The following TOMM20 variants were observed in gnomAD, a reference collection of about 807,000 sequenced individuals.
The protein encoded by TOMM20 is translocase of outer mitochondrial membrane 20, also known as mitochondrial import receptor subunit TOM20 homolog.
In TOMM20, 10 loss-of-function variants were observed where a neutral mutation model predicts 22.1. The observed-to-expected ratio is 0.45, with a 90% CI of 0.28 to 0.77. The LOEUF is 0.77. Ranked by LOEUF, TOMM20 falls within the 30% of genes least tolerant of loss-of-function variation. The pLI is 0.13. For missense variants in TOMM20, 121 were observed against 172.2 expected, an observed-to-expected ratio of 0.70 and a Z score of 1.66; for synonymous variants, 55 against 61.4, an observed-to-expected ratio of 0.90 and a Z score of 0.49.
intron 3 of TOMM20, among the ~76,000 whole-genome samples, chr1:235,118,876 G>C (rs1660879340): frequency 6.6e-6 from 1 of 152,130 alleles, no homozygotes; most frequent in Non-Finnish European, 1.5e-5. Context: ...TGAGTACTGT[G>C]ACTCTTTAGG....
Position 235,111,978 on chromosome 1 carries a change from T to C in TOMM20, c.*86A>G, listed in dbSNP as rs1660745316. ...TCAGTGTAGTTCATAACAAGCATAT[T>C]TGCCCTTATTCCCCCAGAGCTGCTC... On this transcript the variant is annotated 3_prime_UTR_variant, in exon 5 of 5. Coordinates refer to ENST00000366607, the MANE Select transcript of TOMM20 (RefSeq NM_014765.3). 7.7e-6 allele frequency: 8 copies of C among 1,039,502 alleles called. No individual in the cohort carries two copies. In the Admixed American group the frequency reaches 1.2e-4, roughly 16 times the overall value. The allele number at this position is 1,039,502 out of a possible 1,614,324, so 64.4% of individuals were successfully genotyped here. A position where few individuals can be genotyped will look rare whatever the true frequency, so the allele number is the denominator to read the frequency against.
intron 1 of TOMM20, chr1:235,127,979 T>G (rs753083679): frequency 2.0e-6 from 1 of 490,168 alleles, no homozygotes; most frequent in Non-Finnish European, 4.0e-6. Context: ...AGTTCGAGAC[T>G]AGCCTGACCA....
intron 3 of TOMM20, among the ~76,000 whole-genome samples, chr1:235,116,178 G>A: frequency 6.6e-6 from 1 of 152,056 alleles, no homozygotes; most frequent in East Asian, 1.9e-4. Flanking sequence ...AGGCCGAGGT[G>A]GGTGGATCAC....
At chr1:235,128,557 G>T (rs1661076303) in intron 1 of TOMM20, 38 bp downstream of exon 1, 3 of 1,611,320 alleles carry the variant, frequency 1.9e-6, no homozygotes, top group Non-Finnish European at 2.5e-6. Context: ...GGCGGCCGAA[G>T]GCAGCAAGCC....
At chr1:235,113,244 ATTT>A (rs2102807238) in intron 4 of TOMM20, among the ~76,000 whole-genome samples, 1 of 152,320 alleles carries the variant, frequency 6.6e-6, no homozygotes, top group South Asian at 2.1e-4. Context: ...GCTATTTTGC[ATTT>A]TTGAGTAGGG....
chr1:235,112,394 C>T (rs1660753592), intron 4 of TOMM20, among the ~76,000 whole-genome samples: 1 of 152,284 alleles, frequency 6.6e-6, no homozygotes, highest in East Asian at 1.9e-4. Context: ...GGCTGGAGTG[C>T]AGTAGCACAA....
intron 4 of TOMM20, 103 bp from the exon 5 acceptor site, chr1:235,112,211 T>A: frequency 1.1e-6 from 1 of 925,610 alleles, no homozygotes; most frequent in Non-Finnish European, 1.6e-6. Flanking sequence ...TGAATCTTAG[T>A]AAAGTTCACC....
At chr1:235,122,801 G>GA (rs758184841) in intron 1 of TOMM20, among the ~76,000 whole-genome samples, 1 of 152,082 alleles carries the variant, frequency 6.6e-6, no homozygotes, top group East Asian at 1.9e-4. Flanking sequence ...TTAAATGAAA[G>GA]AAAAAATCTA....
At chr1:235,117,751 T>C (rs540774419) in intron 3 of TOMM20, among the ~76,000 whole-genome samples, 4 of 152,220 alleles carry the variant, frequency 2.6e-5, no homozygotes, top group African/African-American at 9.6e-5. Flanking sequence ...GGGTATCTGA[T>C]GGCACCTGAG....
intron 3 of TOMM20, among the ~76,000 whole-genome samples, chr1:235,116,168 A>T (rs1384122444): frequency 6.6e-6 from 1 of 152,186 alleles, no homozygotes; most frequent in African/African-American, 2.4e-5. Context: ...GCACTTAGGG[A>T]GGCCGAGGTG....
rs565162195 is a variant in TOMM20, at chr1:235,114,638, C to T, written c.251-728G>A. Among the ~76,000 whole-genome samples, 7 of 151,902 alleles carry T rather than the reference C, an allele frequency of 4.6e-5. No individual in the cohort carries two copies. The South Asian group carries it at 8.3e-4, about 18-fold the overall frequency. On this transcript the variant is annotated intron_variant, in intron 3 of 4. Transcript: ENST00000366607. ...ATTTTTAGTAGAGACGAGGTTTCAC[C>T]GTGTTAGCCAAGATGGTCTCCATCT...
At chr1:235,119,740 A>G in intron 3 of TOMM20, 78 bp downstream of exon 3, 1 of 965,462 alleles carries the variant, frequency 1.0e-6, no homozygotes, top group Non-Finnish European at 1.5e-6. Context: ...AATTACACAA[A>G]CAAAGCCCCT....
chr1:235,116,432 A>G (rs1660829264), intron 3 of TOMM20, among the ~76,000 whole-genome samples: 1 of 151,968 alleles, frequency 6.6e-6, no homozygotes, highest in Non-Finnish European at 1.5e-5. Flanking sequence ...CCAGCTACTC[A>G]GGAGGCTGAG....
intron 1 of TOMM20, among the ~76,000 whole-genome samples, chr1:235,123,469 A>G (rs1660962677): frequency 6.6e-6 from 1 of 152,172 alleles, no homozygotes; most frequent in African/African-American, 2.4e-5. Flanking sequence ...TGGGCAACAG[A>G]GCGACACTCT....
At position 235,126,749 on chromosome 1, in the gene TOMM20, G is replaced by A. The variant is rs190203201; in HGVS notation, c.121+1846C>T. Reference sequence around the variant, plus strand: ...CGGGAGGCGGAGGTTGCAATGATCCGAGATCACCCCACTGCACTCGAGCCT... The same window carrying A: ...CGGGAGGCGGAGGTTGCAATGATCCAAGATCACCCCACTGCACTCGAGCCT... On this transcript the variant is annotated intron_variant, in intron 1 of 4. Coordinates refer to ENST00000366607, the MANE Select transcript of TOMM20 (RefSeq NM_014765.3). Among the ~76,000 whole-genome samples the A allele has an allele frequency of 1.0e-3, 157 of 152,218 alleles. 1 individual carries two copies. The highest frequency in any genetic ancestry group is 3.8e-3 in the African/African-American group (156 of 41,546).
In TOMM20 at chr1:235,117,362, G is replaced by A. The variant is rs979251901; in HGVS notation, c.250+2456C>T. 2.0e-5 allele frequency among the ~76,000 whole-genome samples: 3 copies of A among 151,140 alleles called. No individual in the cohort carries two copies. In the South Asian group the frequency reaches 6.3e-4, roughly 32 times the overall value. The stretch of plus-strand genomic sequence containing the variant: ...AATCCCAGCTACTCATGAGGCTGAG[G>A]CAGGAGAATCGCTTGAACCCGGGAG... On this transcript the variant is annotated intron_variant, in intron 3 of 4. Coordinates refer to ENST00000366607, the MANE Select transcript of TOMM20 (RefSeq NM_014765.3).
chr1:235,118,384 C>A (rs1201419287), intron 3 of TOMM20, among the ~76,000 whole-genome samples: 2 of 152,224 alleles, frequency 1.3e-5, no homozygotes, highest in Non-Finnish European at 2.9e-5. Flanking sequence ...TGCTTTAGCA[C>A]TGAGGGGGAA....
At chr1:235,113,965 A>C in intron 3 of TOMM20, 55 bp from the exon 4 acceptor site, 3 of 1,509,922 alleles carry the variant, frequency 2.0e-6, no homozygotes, top group Non-Finnish European at 2.7e-6. Flanking sequence ...CCTTTGTCAA[A>C]ATTAACTTTA....
rs1245792164 is a variant in TOMM20, at chr1:235,111,371, G to A, written c.*693C>T. ...GGAAAGTGAGCACACATTAACTAGC[G>A]AAGCTCACAAGGCTAGATTAGGGGT... On this transcript the variant is annotated 3_prime_UTR_variant, in exon 5 of 5. Transcript: ENST00000366607. The A allele has an allele frequency of 2.0e-5, 3 of 152,208 alleles. No individual in the cohort carries two copies. Among genetic ancestry groups the A allele is most frequent in the Non-Finnish European group, 4.4e-5 (3 of 68,044 alleles). The allele number at this position is 152,208 out of a possible 1,614,324, so 9.4% of individuals were successfully genotyped here.
Sources: gnomAD v4.1 joint callset for allele counts (sites outside exome capture counted in the v4.1 genomes callset) on GRCh38, gnomAD v4.1.1 for gene constraint, MANE v1.5 for transcripts, NCBI Gene and HGNC (gene_info 2026-07-23, HGNC 2026-07-21) for gene names.